The following KMT2E variants were observed in gnomAD, a reference collection of about 807,000 sequenced individuals.
KMT2E encodes the protein lysine methyltransferase 2E (inactive).
In KMT2E, 30 loss-of-function variants were observed where a neutral mutation model predicts 184.6. The ratio of observed to expected loss-of-function variants is 0.16; its 90% confidence interval spans 0.12 to 0.22. The LOEUF (loss-of-function observed/expected upper bound fraction) is 0.22, where lower values mean the gene tolerates loss of function less well. Ranked by LOEUF, KMT2E falls within the 10% of genes least tolerant of loss-of-function variation. KMT2E has a pLI of 1.00. For synonymous variants in KMT2E, 815 were observed against 776.5 expected (o/e 1.05, Z -0.82); for missense variants, 2,023 against 2,237.4 (o/e 0.90, Z 1.93).
At chr7:105,061,487 A>G (rs1796811336) in intron 3 of KMT2E, among the ~76,000 whole-genome samples, 1 of 152,142 alleles carries the variant, frequency 6.6e-6, no homozygotes, top group South Asian at 2.1e-4. Flanking sequence ...GCTCAGGAGG[A>G]TTGGTAAGAG....
chr7:105,091,250 C>A lies in KMT2E; in HGVS notation c.1658C>A (p.Thr553Asn). ...PDFIDDIEEK[T>N]PISNEVEMES... ...TTTATTGATGATATAGAAGAAAAAA[C>A]TCCTATTAGTAATGAAGTAGAAATG... Residue 553 changes from threonine (T) to asparagine (N), a missense_variant, in exon 15 of 27, where the codon ACT becomes AAT. Thr to Asn is a moderately conservative substitution (Grantham distance 65). Around this residue, in one of 8 missense-constraint regions of KMT2E, gnomAD observed 514 missense variants for 621.8 expected, o/e 0.83. Coordinates refer to ENST00000311117, the MANE Select transcript of KMT2E (RefSeq NM_182931.3). 6.3e-7 allele frequency: 1 copy of A among 1,594,996 alleles called. No homozygotes were observed. The highest frequency in any genetic ancestry group is 8.6e-7 in the Non-Finnish European group (1 of 1,163,800).
intron 1 of KMT2E, among the ~76,000 whole-genome samples, chr7:105,033,076 C>G (rs908721618): frequency 5.3e-5 from 8 of 152,174 alleles, no homozygotes; most frequent in Non-Finnish European, 1.0e-4. Context: ...GTACAAATGC[C>G]TACTCTACCC....
chr7:105,050,467 G>A (rs897573510), intron 3 of KMT2E, among the ~76,000 whole-genome samples: 1 of 152,052 alleles, frequency 6.6e-6, no homozygotes, highest in African/African-American at 2.4e-5. Flanking sequence ...ATCTCTGTGT[G>A]TGGTTACCCT....
chr7:105,046,201 A>G (rs989058351), intron 3 of KMT2E, among the ~76,000 whole-genome samples: 1 of 152,120 alleles, frequency 6.6e-6, no homozygotes, highest in Non-Finnish European at 1.5e-5. Flanking sequence ...TCACACCAAA[A>G]AAGCCGTCTT....
At chr7:105,110,031 C>T (rs548553979) in intron 23 of KMT2E, among the ~76,000 whole-genome samples, 95 of 152,142 alleles carry the variant, frequency 6.2e-4, no homozygotes, top group Non-Finnish European at 1.2e-3. Flanking sequence ...GACGGGGTTT[C>T]ACCATGCTGG....
chr7:105,102,231 C>CA, intron 17 of KMT2E, 37 bp downstream of exon 17: 1 of 1,517,264 alleles, frequency 6.6e-7, no homozygotes, highest in South Asian at 1.3e-5. Context: ...GTTTTTCTAA[C>CA]AGTTTCTTAT....
At position 105,054,189 on chromosome 7, in the gene KMT2E, AT is replaced by A. The variant is rs766294251; in HGVS notation, c.72-7961del. On this transcript the variant is annotated intron_variant, in intron 3 of 26. Transcript: ENST00000311117. Reference sequence around the variant, plus strand: ...CTGTCTCAAAAAAAAAGGCTGCGAAATTTTTTTTTTTTTTAAAGAAAGGCTG... The same window carrying A: ...CTGTCTCAAAAAAAAAGGCTGCGAAATTTTTTTTTTTTTAAAGAAAGGCTG... Among the ~76,000 whole-genome samples, 799 of 144,930 alleles carry A rather than the reference AT, an allele frequency of 5.5e-3. 14 individuals carry two copies. In the East Asian group the frequency reaches 0.064, roughly 12 times the overall value.
At chr7:105,073,399 G>GAAAAAAA (rs35148101) in intron 6 of KMT2E, among the ~76,000 whole-genome samples, 1 of 112,444 alleles carries the variant, frequency 8.9e-6, no homozygotes, top group Non-Finnish European at 1.8e-5. Flanking sequence ...CCTGTCTGGG[G>GAAAAAAA]AAAAAAAAAA....
chr7:105,094,740 T>G (rs2129569096), intron 15 of KMT2E, among the ~76,000 whole-genome samples: 1 of 152,314 alleles, frequency 6.6e-6, no homozygotes, highest in Non-Finnish European at 1.5e-5. Flanking sequence ...AGTTACCCAC[T>G]GAGGTTCACA....
intron 3 of KMT2E, among the ~76,000 whole-genome samples, chr7:105,060,596 T>G (rs1220071326): frequency 1.3e-5 from 2 of 151,962 alleles, no homozygotes; most frequent in Non-Finnish European, 2.9e-5. Flanking sequence ...TTGGCTAGTT[T>G]TTTTTTTTTA....
chr7:105,110,431 T>C (rs377537080), intron 24 of KMT2E, 46 bp from the exon 25 acceptor site: 13 of 1,614,110 alleles, frequency 8.1e-6, no homozygotes, highest in South Asian at 7.7e-5. Flanking sequence ...TCCTCGTTCT[T>C]TGCAGCTCTA....
At chr7:105,061,156 T>A (rs1332285397) in intron 3 of KMT2E, among the ~76,000 whole-genome samples, 1 of 152,108 alleles carries the variant, frequency 6.6e-6, no homozygotes, top group Non-Finnish European at 1.5e-5. Context: ...CGTGAAGGGA[T>A]GACAGTATAT....
chr7:105,059,373 T>G (rs1796699988), intron 3 of KMT2E, among the ~76,000 whole-genome samples: 1 of 152,230 alleles, frequency 6.6e-6, no homozygotes, highest in Non-Finnish European at 1.5e-5. Flanking sequence ...AAAACTTCAC[T>G]TCTTCCTTCT....
At chr7:105,050,662 C>T (rs1023839521) in intron 3 of KMT2E, among the ~76,000 whole-genome samples, 71 of 139,042 alleles carry the variant, frequency 5.1e-4, no homozygotes, top group Admixed American at 1.2e-3. Context: ...TTCTTTCTTT[C>T]TTTTTTCTTT....
intron 15 of KMT2E, among the ~76,000 whole-genome samples, chr7:105,096,792 TG>T (rs1239608371): frequency 6.6e-6 from 1 of 152,228 alleles, no homozygotes; most frequent in African/African-American, 2.4e-5. Context: ...AGGTAATGGA[TG>T]ATCTGGAGGC....
Position 105,107,893 on chromosome 7 carries a change from T to G in KMT2E, c.3436T>G (p.Cys1146Gly). 6.2e-7 allele frequency: 1 copy of G among 1,613,602 alleles called. No homozygotes were observed. The highest frequency in any genetic ancestry group is 8.5e-7 in the Non-Finnish European group (1 of 1,179,716). The change falls in exon 22 of 27, where the codon TGC (cysteine) becomes GGC (glycine). Residue 1146 changes from cysteine to glycine, a missense_variant. By Grantham distance (159) the Cys-to-Gly change is radical. Transcript: ENST00000311117. ...TAATGACAATTTGATCGACGGGAAT[T>G]GCACACCCCAGAATCCACCACAAAA... ...TVNDNLIDGN[C>G]TPQNPPQKKK... is the part of the protein sequence containing the mutation.
chr7:105,067,338 T>A (rs1188810039), intron 6 of KMT2E, among the ~76,000 whole-genome samples: 1 of 152,136 alleles, frequency 6.6e-6, no homozygotes, highest in African/African-American at 2.4e-5. Flanking sequence ...ACTAGATGAA[T>A]ACTCCCTTAG....
chr7:105,059,532 TAAATG>T (rs1796705950), intron 3 of KMT2E, among the ~76,000 whole-genome samples: 3 of 152,332 alleles, frequency 2.0e-5, no homozygotes, highest in Middle Eastern at 6.8e-3. Context: ...GCAGAAAAGA[TAAATG>T]GATGTACATT....
rs1489298544 is a variant in KMT2E at position 105,113,312 on chromosome 7, C to G, written c.5556C>G (p.Tyr1852Ter). The G allele has an allele frequency of 1.2e-6, 2 of 1,612,478 alleles. No individual in the cohort carries two copies. Among genetic ancestry groups the G allele is most frequent in the Non-Finnish European group, 1.7e-6 (2 of 1,178,790 alleles). The change falls in exon 27 of 27, where the codon TAC (tyrosine) becomes TAG (stop). Residue 1852 changes from tyrosine (Y) to a stop codon, truncating the protein, a stop_gained. Coordinates refer to ENST00000311117, the MANE Select transcript of KMT2E (RefSeq NM_182931.3). LOFTEE classifies it high-confidence loss of function. ...TGCCACCAACATTTCAAAACAATTA[C>G]CATGGGTCAGGGTGGCATTAAAATG... ...AQVPPTFQNN[Y>*]HGSGWH
Sources: allele counts gnomAD v4.1 joint callset (sites outside exome capture counted in the v4.1 genomes callset), GRCh38; gene constraint gnomAD v4.1.1; regional missense constraint gnomAD v4.1.1; transcripts MANE v1.5; gene names NCBI Gene and HGNC (gene_info 2026-07-23, HGNC 2026-07-21).